Variants in GPC6 observed in about 807,000 individuals in gnomAD.
GPC6 encodes glypican-6.
A neutral mutation model predicts 55.2 loss-of-function variants in GPC6; 14 were observed. The observed-to-expected ratio is 0.25, with a 90% CI of 0.17 to 0.40. The LOEUF is 0.40. Ranked by LOEUF, GPC6 falls within the 10% of genes least tolerant of loss-of-function variation. The pLI is 1.00. For synonymous variants in GPC6, 278 were observed against 259.6 expected (o/e 1.07, Z -0.68); for missense variants, 641 against 708.5 (o/e 0.90, Z 1.08).
intron 4 of GPC6, among the ~76,000 whole-genome samples, chr13:94,053,310 T>C (rs916716130): frequency 7.2e-5 from 11 of 152,174 alleles, no homozygotes; most frequent in Admixed American, 1.3e-4. Flanking sequence ...GTAGGCAATT[T>C]GGATAAACAA....
At chr13:93,311,896 TG>T (rs1433451412) in intron 1 of GPC6, among the ~76,000 whole-genome samples, 1 of 152,064 alleles carries the variant, frequency 6.6e-6, no homozygotes, top group African/African-American at 2.4e-5. Flanking sequence ...AAAGGCAAGA[TG>T]GGTCTTTGGG....
At chr13:93,998,895 A>G (rs775566485) in intron 3 of GPC6, among the ~76,000 whole-genome samples, 2 of 152,244 alleles carry the variant, frequency 1.3e-5, no homozygotes, top group Non-Finnish European at 2.9e-5. Flanking sequence ...ATTATTAACT[A>G]TAGTCACTAT....
At chr13:93,363,358 C>T (rs2139180818) in intron 1 of GPC6, among the ~76,000 whole-genome samples, 1 of 144,228 alleles carries the variant, frequency 6.9e-6, no homozygotes, top group African/African-American at 2.5e-5. Flanking sequence ...TTGTTCAATT[C>T]CCACCTATGA....
intron 3 of GPC6, among the ~76,000 whole-genome samples, chr13:93,930,054 A>C (rs913049335): frequency 6.6e-6 from 1 of 151,984 alleles, no homozygotes; most frequent in Non-Finnish European, 1.5e-5. Context: ...TAAAAAAATA[A>C]ATTTAAAAAA....
At chr13:93,834,379 A>G (rs1055008902) in intron 3 of GPC6, among the ~76,000 whole-genome samples, 1 of 152,194 alleles carries the variant, frequency 6.6e-6, no homozygotes, top group African/African-American at 2.4e-5. Context: ...GAAGTTCAAA[A>G]ATGTAAAACT....
chr13:93,343,909 T>C (rs975540532), intron 1 of GPC6, among the ~76,000 whole-genome samples: 1 of 152,194 alleles, frequency 6.6e-6, no homozygotes, highest in African/African-American at 2.4e-5. Context: ...ATTTTCTTTC[T>C]TCCTCTCTTT....
intron 4 of GPC6, among the ~76,000 whole-genome samples, chr13:94,227,354 A>T (rs1199055282): frequency 1.3e-5 from 2 of 152,180 alleles, no homozygotes; most frequent in Admixed American, 6.5e-5. Flanking sequence ...AAAATCACTT[A>T]AAAAATTCGT....
At chr13:93,487,698 G>C (rs180759493) in intron 1 of GPC6, among the ~76,000 whole-genome samples, 2 of 152,154 alleles carry the variant, frequency 1.3e-5, no homozygotes, top group East Asian at 3.9e-4. Context: ...AAAGAAGTAG[G>C]ATGACATTTA....
chr13:93,216,564 A>G, the GPC6 span, among the ~76,000 whole-genome samples: 3 of 152,046 alleles, frequency 2.0e-5, no homozygotes, highest in Non-Finnish European at 4.4e-5. Flanking sequence ...GTCTAGGTCA[A>G]CAGAGGGGTA....
intron 4 of GPC6, among the ~76,000 whole-genome samples, chr13:94,188,499 C>T (rs1471865916): frequency 2.6e-5 from 4 of 152,124 alleles, no homozygotes; most frequent in Non-Finnish European, 5.9e-5. Context: ...TGTGAGTGGT[C>T]ACTTCTTTGA....
chr13:93,528,590 A>G (rs1374997700), intron 1 of GPC6, among the ~76,000 whole-genome samples: 2 of 152,212 alleles, frequency 1.3e-5, no homozygotes, highest in Non-Finnish European at 2.9e-5. Context: ...CAGATAAGAT[A>G]CCATTCAGGC....
rs140895995 is a variant in GPC6, at chr13:94,122,689, C to T, written c.877+94795C>T. Among the ~76,000 whole-genome samples the T allele has an allele frequency of 3.5e-3, 530 of 152,186 alleles. 3 individuals carry two copies. Among genetic ancestry groups the T allele is most frequent in the African/African-American group, 0.012 (503 of 41,548 alleles). ...TAGTTCTTTCATTCACTACTCTGCA[C>T]ACGTCATAAATCAGCCAGAAGAGAG... is the stretch of plus-strand genomic sequence containing the variant. On this transcript the variant is annotated intron_variant, in intron 4 of 8. Coordinates refer to ENST00000377047, the MANE Select transcript of GPC6 (RefSeq NM_005708.5).
At chr13:93,999,982 T>C (rs1418147017) in intron 3 of GPC6, among the ~76,000 whole-genome samples, 1 of 152,252 alleles carries the variant, frequency 6.6e-6, no homozygotes. Context: ...AATTCCAATT[T>C]ATACTTGGTT....
intron 1 of GPC6, among the ~76,000 whole-genome samples, chr13:93,412,686 AT>A (rs1490533409): frequency 3.3e-5 from 5 of 152,156 alleles, no homozygotes; most frequent in Middle Eastern, 3.2e-3. Context: ...AATCCAGGCC[AT>A]TAATTGTTTT....
chr13:93,343,996 G>T (rs1026655974), intron 1 of GPC6, among the ~76,000 whole-genome samples: 2 of 152,196 alleles, frequency 1.3e-5, no homozygotes, highest in South Asian at 2.1e-4. Context: ...TGTCAACAGG[G>T]TGCCTTACAA....
intron 1 of GPC6, among the ~76,000 whole-genome samples, chr13:93,428,397 G>T (rs2139270690): frequency 6.6e-6 from 1 of 152,180 alleles, no homozygotes; most frequent in East Asian, 1.9e-4. Flanking sequence ...TCCACCTCCT[G>T]CTGTTACAGT....
At chr13:94,247,533 A>G (rs1004723718) in intron 4 of GPC6, among the ~76,000 whole-genome samples, 7 of 149,966 alleles carry the variant, frequency 4.7e-5, no homozygotes. Context: ...TTCTATACCT[A>G]AACTGTCAAG....
chr13:93,231,364 T>TATATATAC, intron 1 of GPC6, among the ~76,000 whole-genome samples: 1 of 16,132 alleles, frequency 6.2e-5, no homozygotes, highest in East Asian at 2.3e-3. Context: ...TATATACGTA[T>TATATATAC]ATATATATAT....
At chr13:93,853,762 A>C (rs1888502950) in intron 3 of GPC6, among the ~76,000 whole-genome samples, 1 of 151,624 alleles carries the variant, frequency 6.6e-6, no homozygotes, top group African/African-American at 2.4e-5. Context: ...GAATTTCTTT[A>C]CTGATGCTCC....
Sources: gnomAD v4.1 joint callset for allele counts (sites outside exome capture counted in the v4.1 genomes callset) on GRCh38, gnomAD v4.1.1 for gene constraint, MANE v1.5 for transcripts, NCBI Gene and HGNC (gene_info 2026-07-23, HGNC 2026-07-21) for gene names.